Variants in VWA3B observed in about 807,000 individuals in gnomAD.
VWA3B encodes von Willebrand factor A domain-containing protein 3B.
A neutral mutation model predicts 158.3 loss-of-function variants in VWA3B; 138 were observed. The ratio of observed to expected loss-of-function variants is 0.87; its 90% CI spans 0.76 to 1.00. The LOEUF (loss-of-function observed/expected upper bound fraction) is 1.00, where lower values mean the gene tolerates loss of function less well. Among genes scored for constraint, VWA3B ranks in the 50% least tolerant of loss-of-function variants. VWA3B has a pLI of 0.00. For synonymous variants in VWA3B, 596 were observed against 587.3 expected, an observed-to-expected ratio of 1.01 and a Z score of -0.21; for missense variants, 1,555 against 1,565.1, an observed-to-expected ratio of 0.99 and a Z score of 0.11.
intron 7 of VWA3B, 186 bp downstream of exon 7, chr2:98,134,125 G>A (rs1041992837): frequency 1.3e-5 from 8 of 611,196 alleles, no homozygotes; most frequent in African/African-American, 1.3e-4. Context: ...CCAGGCATAA[G>A]TTTACAATCC....
intron 7 of VWA3B, among the ~76,000 whole-genome samples, chr2:98,142,590 T>C (rs1446228404): frequency 6.6e-6 from 1 of 152,030 alleles, no homozygotes; most frequent in Non-Finnish European, 1.5e-5. Flanking sequence ...GAGGAGGAGA[T>C]AGAGAGGGGA....
intron 2 of VWA3B, among the ~76,000 whole-genome samples, chr2:98,106,306 C>T (rs1472022081): frequency 6.6e-6 from 1 of 151,972 alleles, no homozygotes; most frequent in Non-Finnish European, 1.5e-5. Context: ...TGAAATTGGG[C>T]CGGGTGAGTC....
chr2:98,317,237 T>C (rs1484410330), downstream of VWA3B, among the ~76,000 whole-genome samples: 4 of 152,206 alleles, frequency 2.6e-5, no homozygotes, highest in Admixed American at 6.5e-5. Context: ...AGTTCATGTA[T>C]TACTATAACA....
intron 22 of VWA3B, among the ~76,000 whole-genome samples, chr2:98,273,523 C>G (rs1285951897): frequency 1.3e-5 from 2 of 152,218 alleles, no homozygotes; most frequent in Non-Finnish European, 2.9e-5. Flanking sequence ...CCTGCATGCC[C>G]TGTGGGCACC....
rs186017784 is a variant in VWA3B at position 98,133,895 on chromosome 2, T to C, written c.944T>C (p.Val315Ala). Residue 315 changes from valine to alanine, a missense_variant, in exon 7 of 28, where the codon GTG becomes GCG. Coordinates refer to ENST00000477737, the MANE Select transcript of VWA3B (RefSeq NM_144992.5). ...PAFSTKDGDN[V>A]MTWNSRKLKG... is the part of the protein sequence containing the mutation. ...TTCTCCACAAAGGATGGTGACAATG[T>C]GATGACTTGGAATTCAAGGAAACTG... 4.3e-5 allele frequency: 69 copies of C among 1,613,988 alleles called. No individual in the cohort carries two copies. The East Asian group carries it at 1.5e-3, about 35-fold the overall frequency.
Position 98,162,961 on chromosome 2 carries a change from G to C in VWA3B, c.1099G>C (p.Ala367Pro), listed in dbSNP as rs775402095. ...GGCCGAGCCTCCCAAGCCCGACGTG[G>C]CCACTGTGGACTGCGGTTGGTGCTA... ...LVAEPPKPDV[A>P]TVDCESETTS... The change falls in exon 8 of 28, where the codon GCC (alanine) becomes CCC (proline). Residue 367 changes from alanine (A) to proline (P), a missense_variant. By Grantham distance (27) the Ala-to-Pro change is conservative. Coordinates refer to ENST00000477737, the MANE Select transcript of VWA3B (RefSeq NM_144992.5). The C allele has an allele frequency of 6.2e-7, 1 of 1,614,128 alleles. No individual in the cohort carries two copies.
chr2:98,321,354 G>A, the VWA3B span, among the ~76,000 whole-genome samples: 5 of 152,210 alleles, frequency 3.3e-5, no homozygotes, highest in Admixed American at 1.3e-4. Context: ...GCCTAGTGGA[G>A]CTGTGAGAAG....
chr2:98,241,051 A>G (rs995314034), intron 19 of VWA3B, among the ~76,000 whole-genome samples: 6 of 152,146 alleles, frequency 3.9e-5, no homozygotes, highest in African/African-American at 9.7e-5. Flanking sequence ...AGTTCTAGTT[A>G]AATGTGACGA....
chr2:98,310,635 G>A (rs1330813741), intron 26 of VWA3B, among the ~76,000 whole-genome samples: 1 of 152,190 alleles, frequency 6.6e-6, no homozygotes. Flanking sequence ...TAACCTGATG[G>A]ATAAGATTTT....
intron 2 of VWA3B, among the ~76,000 whole-genome samples, chr2:98,099,639 A>C (rs1250053000): frequency 6.6e-6 from 1 of 152,098 alleles, no homozygotes; most frequent in Admixed American, 6.6e-5. Context: ...AGGTTTGGAA[A>C]GTTTCCTGCT....
chr2:98,289,378 T>A (rs982311867), intron 22 of VWA3B, among the ~76,000 whole-genome samples: 1 of 152,192 alleles, frequency 6.6e-6, no homozygotes, highest in African/African-American at 2.4e-5. Context: ...AAGGGAAAGT[T>A]TCTACCTAGG....
In VWA3B at chr2:98,278,241, C is replaced by T. The variant is rs13407917; in HGVS notation, c.3045+7358C>T. Among the ~76,000 whole-genome samples, 911 of 152,244 alleles carry T rather than the reference C, an allele frequency of 6.0e-3. 6 individuals are homozygous for T. Among genetic ancestry groups the T allele is most frequent in the African/African-American group, 0.02 (848 of 41,546 alleles). On this transcript the variant is annotated intron_variant, in intron 22 of 27. Coordinates refer to ENST00000477737, the MANE Select transcript of VWA3B (RefSeq NM_144992.5). Reference sequence around the variant, plus strand: ...TCAGCCCCTCTCGGGAGAGGGAGCACGCAGGTGAGTGGGTGCAGGGGCCAA... The same window carrying T: ...TCAGCCCCTCTCGGGAGAGGGAGCATGCAGGTGAGTGGGTGCAGGGGCCAA...
chr2:98,128,263 G>A lies in VWA3B; in HGVS notation c.727G>A (p.Val243Met). ...GATTGAATCCATTTACTACTTTGTG[G>A]TGGGGGATGTTCCTGAAGAATCCAA... ...KTIESIYYFV[V>M]GDVPEESKEL... The change falls in exon 6 of 28, where the codon GTG (valine) becomes ATG (methionine). Residue 243 changes from valine (V) to methionine (M), a missense_variant. Transcript: ENST00000477737. 1 of 1,614,184 alleles carries A rather than the reference G, an allele frequency of 6.2e-7. No homozygotes were observed. Among genetic ancestry groups the A allele is most frequent in the African/African-American group, 1.3e-5 (1 of 75,048 alleles).
chr2:98,161,468 A>C (rs764240634), intron 7 of VWA3B, among the ~76,000 whole-genome samples: 2 of 152,224 alleles, frequency 1.3e-5, no homozygotes, highest in Non-Finnish European at 2.9e-5. Context: ...GCTGCTCAGG[A>C]CGTGCTGCTT....
rs1302034902 is a variant in VWA3B at position 98,255,180 on chromosome 2, A to ATTTTTTT, written c.2793-943_2793-942insTTTTTTT. Among the ~76,000 whole-genome samples, 339 of 65,848 alleles carry ATTTTTTT rather than the reference A, an allele frequency of 5.1e-3. 35 individuals carry two copies. The highest frequency in any genetic ancestry group is 0.021 in the African/African-American group (313 of 15,204). The allele number at this position is 65,848 out of a possible 152,430, so 43.2% of individuals were successfully genotyped here. A position where few individuals can be genotyped will look rare whatever the true frequency, so the allele number is the denominator to read the frequency against. ...AGTCGCCCGCCACCACGCCCGGCTG[A>ATTTTTTT]TATTTTTTTTTTTTTTTTTTTTTTT... On this transcript the variant is annotated intron_variant, in intron 20 of 27. Coordinates refer to ENST00000477737, the MANE Select transcript of VWA3B (RefSeq NM_144992.5).
At chr2:98,142,242 G>T (rs1676832745) in intron 7 of VWA3B, among the ~76,000 whole-genome samples, 1 of 152,150 alleles carries the variant, frequency 6.6e-6, no homozygotes, top group South Asian at 2.1e-4. Flanking sequence ...CTGGGCTGTG[G>T]ATGTGAAAAT....
chr2:98,094,064 G>A (rs1208975407), intron 2 of VWA3B, among the ~76,000 whole-genome samples: 7 of 152,014 alleles, frequency 4.6e-5, no homozygotes, highest in Admixed American at 6.6e-5. Flanking sequence ...AGTTGATTTC[G>A]TTATCTTGGC....
intron 7 of VWA3B, among the ~76,000 whole-genome samples, chr2:98,162,554 T>C (rs191320457): frequency 7.9e-5 from 12 of 152,348 alleles, no homozygotes; most frequent in Non-Finnish European, 1.5e-4. Context: ...TGAATGTTTT[T>C]ATTCCTATCT....
intron 16 of VWA3B, 67 bp from the exon 17 acceptor site, chr2:98,234,580 GT>G (rs1325766068): frequency 3.1e-6 from 5 of 1,603,320 alleles, no homozygotes; most frequent in Non-Finnish European, 4.3e-6. Flanking sequence ...TGATAAAATA[GT>G]TATATCTAAT....
Sources: allele counts gnomAD v4.1 joint callset (sites outside exome capture counted in the v4.1 genomes callset), GRCh38; gene constraint gnomAD v4.1.1; transcripts MANE v1.5; gene names NCBI Gene and HGNC (gene_info 2026-07-23, HGNC 2026-07-21).